The following PCDH15 variants were observed in gnomAD, a reference collection of about 807,000 sequenced individuals.
PCDH15 encodes protocadherin related 15.
A neutral mutation model predicts 178.5 loss-of-function variants in PCDH15; 129 were observed. That is an observed-to-expected ratio of 0.72 (90% CI 0.63 to 0.84). The LOEUF (loss-of-function observed/expected upper bound fraction) is 0.84. Among genes scored for constraint, PCDH15 ranks in the 40% least tolerant of loss-of-function variants. The pLI, the probability that PCDH15 is intolerant of heterozygous loss-of-function variation, is 0.00. For synonymous variants in PCDH15, 800 were observed against 732.0 expected (o/e 1.09, Z -1.50); for missense variants, 2,230 against 2,099.9 (o/e 1.06, Z -1.21).
At chr10:55,559,231 C>T (rs575807690) in intron 2 of PCDH15, among the ~76,000 whole-genome samples, 19 of 152,022 alleles carry the variant, frequency 1.2e-4, no homozygotes, top group Non-Finnish European at 2.6e-4. Context: ...AGTCGATGGG[C>T]CTATTATTAC....
intron 2 of PCDH15, among the ~76,000 whole-genome samples, chr10:55,558,907 GA>G (rs1274503265): frequency 2.0e-5 from 3 of 152,100 alleles, no homozygotes; most frequent in African/African-American, 4.8e-5. Flanking sequence ...ACAGATACGT[GA>G]AAAAATATTA....
intron 3 of PCDH15, among the ~76,000 whole-genome samples, chr10:54,465,236 T>A (rs1045482631): frequency 2.6e-5 from 4 of 152,110 alleles, no homozygotes; most frequent in African/African-American, 9.6e-5. Context: ...TAGAATACTT[T>A]TCATCTCAAT....
In PCDH15 at chr10:54,730,139, G is replaced by T. The variant is rs142189225; in HGVS notation, c.-28-65849C>A. On this transcript the variant is annotated intron_variant, in intron 1 of 37. Transcript: ENST00000644397. ...CACTACTTATAGTAACGAAGACATGGAATCAACCTAAATGATTATCAATAG... is the reference window on the plus strand; with the variant it reads ...CACTACTTATAGTAACGAAGACATGTAATCAACCTAAATGATTATCAATAG... 1.6e-4 allele frequency among the ~76,000 whole-genome samples: 24 copies of T among 151,672 alleles called. No individual in the cohort carries two copies. The East Asian group carries it at 4.3e-3, about 27-fold the overall frequency.
At chr10:54,613,708 G>A (rs568308065) in intron 2 of PCDH15, among the ~76,000 whole-genome samples, 2 of 151,536 alleles carry the variant, frequency 1.3e-5, no homozygotes, top group Admixed American at 6.6e-5. Context: ...GTATTAAAAG[G>A]GGAAAAGATT....
At chr10:55,039,337 T>C (rs1175834543) in intron 2 of PCDH15, among the ~76,000 whole-genome samples, 1 of 152,038 alleles carries the variant, frequency 6.6e-6, no homozygotes, top group African/African-American at 2.4e-5. Flanking sequence ...ATGAAGAGTT[T>C]AAAGAAATGA....
chr10:55,126,887 A>C (rs1419562367), intron 2 of PCDH15, among the ~76,000 whole-genome samples: 2 of 134,004 alleles, frequency 1.5e-5, no homozygotes, highest in Admixed American at 1.7e-4. Context: ...TACAAAAAGG[A>C]GACATTTTTC....
intron 2 of PCDH15, among the ~76,000 whole-genome samples, chr10:55,407,383 C>T (rs910480652): frequency 2.6e-5 from 4 of 152,082 alleles, no homozygotes; most frequent in African/African-American, 9.7e-5. Flanking sequence ...GTAAATACTG[C>T]CTGATGTCCT....
chr10:53,890,873 C>T (rs985339172), intron 26 of PCDH15, among the ~76,000 whole-genome samples: 10 of 152,160 alleles, frequency 6.6e-5, no homozygotes, highest in Admixed American at 4.6e-4. Context: ...TAAAATCTCT[C>T]TCCAGGCCTG....
intron 13 of PCDH15, among the ~76,000 whole-genome samples, chr10:54,153,792 C>T (rs1169425783): frequency 6.6e-6 from 1 of 152,136 alleles, no homozygotes; most frequent in Non-Finnish European, 1.5e-5. Context: ...CAGACACTCT[C>T]ATCTTTGTGT....
intron 14 of PCDH15, among the ~76,000 whole-genome samples, chr10:54,140,949 T>G (rs535601005): frequency 6.6e-6 from 1 of 152,262 alleles, no homozygotes; most frequent in Admixed American, 6.5e-5. Flanking sequence ...CCCCAACTGT[T>G]GGGATTACAG....
intron 17 of PCDH15, among the ~76,000 whole-genome samples, chr10:54,075,918 C>A (rs1440149068): frequency 6.6e-6 from 1 of 151,888 alleles, no homozygotes; most frequent in Non-Finnish European, 1.5e-5. Context: ...TTCTTTTTGG[C>A]TATCTGGGGT....
intron 15 of PCDH15, among the ~76,000 whole-genome samples, chr10:54,129,252 G>A (rs2042229400): frequency 6.6e-6 from 1 of 151,942 alleles, no homozygotes; most frequent in South Asian, 2.1e-4. Context: ...ATCTCGGTTT[G>A]TAAGTAAAAA....
chr10:54,456,134 A>G (rs1233465206), intron 3 of PCDH15, among the ~76,000 whole-genome samples: 1 of 152,070 alleles, frequency 6.6e-6, no homozygotes, highest in Admixed American at 6.6e-5. Flanking sequence ...TGTCTAGTGG[A>G]ATAGTGAGAA....
intron 2 of PCDH15, among the ~76,000 whole-genome samples, chr10:55,427,168 C>T (rs921957431): frequency 6.6e-6 from 1 of 152,120 alleles, no homozygotes; most frequent in Non-Finnish European, 1.5e-5. Context: ...TCAAGCTCAG[C>T]TTATTTAAAG....
intron 3 of PCDH15, among the ~76,000 whole-genome samples, chr10:54,496,307 G>A (rs2080105781): frequency 6.6e-6 from 1 of 151,994 alleles, no homozygotes; most frequent in Non-Finnish European, 1.5e-5. Context: ...GTCCTTTGGA[G>A]AGAGTTTTGT....
chr10:55,236,961 G>A (rs908522789), intron 1 of PCDH15, among the ~76,000 whole-genome samples: 2 of 151,312 alleles, frequency 1.3e-5, no homozygotes, highest in South Asian at 2.1e-4. Flanking sequence ...CAAAAGTCAC[G>A]TGTACGCATC....
rs570577386 is a variant in PCDH15 at position 53,910,137 on chromosome 10, G to T, written c.3374-6767C>A. ...CAGTCTTAAATGTCCTGGTCTGACA[G>T]CTCTGAAGAGAGCAATGGTTCTCCC... On this transcript the variant is annotated intron_variant, in intron 25 of 37. Transcript: ENST00000644397. 3.9e-5 allele frequency among the ~76,000 whole-genome samples: 6 copies of T among 152,208 alleles called. No homozygotes were observed. The South Asian group carries it at 1.2e-3, about 31-fold the overall frequency.
rs116481022 is a variant in PCDH15 at position 55,404,972 on chromosome 10, C to T, written c.-156+222653G>A. ...AGTCTTCTTCCACCTAATTAGCTTA[C>T]AGTTGACCTTTAGAAAGTGGTACTT... On this transcript the variant is annotated intron_variant, in intron 2 of 5. Transcript: ENST00000613346. Among the ~76,000 whole-genome samples, 1,203 of 151,784 alleles carry T rather than the reference C, an allele frequency of 7.9e-3. 15 individuals carry two copies. Among genetic ancestry groups the T allele is most frequent in the African/African-American group, 0.026 (1,081 of 41,480 alleles).
intron 2 of PCDH15, among the ~76,000 whole-genome samples, chr10:55,156,702 T>C (rs879765748): frequency 2.0e-5 from 3 of 152,114 alleles, no homozygotes; most frequent in Non-Finnish European, 4.4e-5. Context: ...ACTGTGATTA[T>C]GGGTAAGATG....
Sources: gnomAD v4.1 joint callset for allele counts (sites outside exome capture counted in the v4.1 genomes callset) on GRCh38, gnomAD v4.1.1 for gene constraint, MANE v1.5 for transcripts, NCBI Gene and HGNC (gene_info 2026-07-23, HGNC 2026-07-21) for gene names.